Variants in DUSP16 observed in about 807,000 individuals in gnomAD.
DUSP16 encodes the protein dual specificity protein phosphatase 16.
Under a neutral mutation model 58.3 loss-of-function variants are expected in DUSP16, and 21 were observed. That is an observed-to-expected ratio of 0.36 (90% confidence interval 0.26 to 0.52). The LOEUF (loss-of-function observed/expected upper bound fraction) is 0.52, where lower values mean the gene tolerates loss of function less well. Ranked by LOEUF, DUSP16 falls within the 20% of genes least tolerant of loss-of-function variation. The pLI is 0.94. For synonymous variants in DUSP16, 320 were observed against 323.8 expected, an observed-to-expected ratio of 0.99 and a Z score of 0.12; for missense variants, 726 against 819.0, an observed-to-expected ratio of 0.89 and a Z score of 1.39.
At chr12:12,543,346 T>C (rs557500843) in intron 1 of DUSP16, among the ~76,000 whole-genome samples, 1 of 152,346 alleles carries the variant, frequency 6.6e-6, no homozygotes, top group Admixed American at 6.5e-5. Context: ...CAGAAAAATG[T>C]ATCATATATA....
intron 1 of DUSP16, among the ~76,000 whole-genome samples, chr12:12,528,582 A>T (rs145622304): frequency 5.1e-4 from 78 of 152,346 alleles, no homozygotes; most frequent in African/African-American, 1.8e-3. Context: ...CATCAGGCCT[A>T]CTGTAACTAA....
chr12:12,487,043 AT>A lies in DUSP16; in HGVS notation c.675del (p.Lys225AsnfsTer3). The A allele has an allele frequency of 6.2e-7, 1 of 1,614,046 alleles. No individual in the cohort carries two copies. Among genetic ancestry groups the A allele is most frequent in the Non-Finnish European group, 8.5e-7 (1 of 1,179,932 alleles). On this transcript the variant is annotated frameshift_variant, in exon 5 of 7. Coordinates refer to ENST00000298573, the MANE Select transcript of DUSP16 (RefSeq NM_030640.3). LOFTEE classifies it high-confidence loss of function. ...FCEKILPWLD[K>X]SVDFIEKAKA... ...AGCTACTTACCAATGAAATCTACTG[AT>A]TTGTCCAACCACGGCAAAATTTTCT... is the stretch of plus-strand genomic sequence containing the variant.
Position 12,477,522 on chromosome 12 carries a change from C to A in DUSP16, c.1309G>T (p.Asp437Tyr). Residue 437 changes from aspartate to tyrosine, a missense_variant, in exon 7 of 7, where the codon GAT (aspartate) becomes TAT (tyrosine). Coordinates refer to ENST00000298573, the MANE Select transcript of DUSP16 (RefSeq NM_030640.3). The surrounding 1 kb of genome is among the most constrained non-coding windows in gnomAD (Gnocchi z 4.1). ...AACTGGCATAGCTTGTTGGTCCCAT[C>A]CAGAGTAGTGGAAGGTTTGTAGTAT... The part of the protein sequence containing the change: ...LEYYKPSTTL[D>Y]GTNKLCQFSP... 1 of 1,604,286 alleles carries A rather than the reference C, an allele frequency of 6.2e-7. No individual in the cohort carries two copies. The highest frequency in any genetic ancestry group is 8.5e-7 in the Non-Finnish European group (1 of 1,174,160).
intron 1 of DUSP16, among the ~76,000 whole-genome samples, chr12:12,561,597 G>A (rs1328008225): frequency 6.6e-6 from 1 of 152,200 alleles, no homozygotes; most frequent in African/African-American, 2.4e-5. Context: ...CGGTTGGTTG[G>A]TTGAAGAAAG....
intron 5 of DUSP16, among the ~76,000 whole-genome samples, chr12:12,481,736 TCAAA>T (rs3217166): frequency 0.073 from 11,035 of 152,056 alleles, 800 homozygotes; most frequent in East Asian, 0.38. Context: ...CAAGCAACAC[TCAAA>T]CAAAGAATTG....
At chr12:12,480,740 T>C (rs1943549014) in intron 5 of DUSP16, among the ~76,000 whole-genome samples, 1 of 152,184 alleles carries the variant, frequency 6.6e-6, no homozygotes, top group African/African-American at 2.4e-5. Flanking sequence ...TTATTACTAT[T>C]TTGAGATAGA....
intron 4 of DUSP16, 60 bp from the exon 5 acceptor site, chr12:12,487,247 G>A: frequency 6.5e-7 from 1 of 1,543,546 alleles, no homozygotes; most frequent in Non-Finnish European, 8.9e-7. Flanking sequence ...TGATCATTCT[G>A]AAAGAGTGAA....
intron 4 of DUSP16, chr12:12,491,094 CTG>C (rs1943754192): frequency 6.6e-6 from 1 of 152,078 alleles, no homozygotes; most frequent in Admixed American, 6.6e-5. Flanking sequence ...CGTGAAATCT[CTG>C]GAGTCAGTTA....
At chr12:12,535,850 CG>C (rs1566037459) in intron 1 of DUSP16, among the ~76,000 whole-genome samples, 1 of 152,128 alleles carries the variant, frequency 6.6e-6, no homozygotes, top group Non-Finnish European at 1.5e-5. Context: ...ATGCAGAAAA[CG>C]CATGAGCAAA....
intron 3 of DUSP16, among the ~76,000 whole-genome samples, chr12:12,502,993 G>A (rs1030160075): frequency 2.0e-5 from 3 of 152,118 alleles, no homozygotes; most frequent in Non-Finnish European, 4.4e-5. Flanking sequence ...ATACAGCAGA[G>A]GAAGTAAGAA....
chr12:12,527,245 A>T (rs1006163252), intron 1 of DUSP16, among the ~76,000 whole-genome samples: 1 of 152,234 alleles, frequency 6.6e-6, no homozygotes, highest in African/African-American at 2.4e-5. Flanking sequence ...ATGCCTTTCA[A>T]TAGAGCCCTA....
intron 1 of DUSP16, among the ~76,000 whole-genome samples, chr12:12,532,161 T>C (rs973396329): frequency 2.0e-5 from 3 of 147,942 alleles, no homozygotes; most frequent in African/African-American, 7.5e-5. Flanking sequence ...CGAGACTCCG[T>C]CTCAAAAAAA....
chr12:12,546,147 T>C (rs1254574885), intron 1 of DUSP16, among the ~76,000 whole-genome samples: 1 of 152,250 alleles, frequency 6.6e-6, no homozygotes, highest in African/African-American at 2.4e-5. Flanking sequence ...TATAAATTTA[T>C]GAAATGCTAT....
chr12:12,476,898 C>A lies in DUSP16; in HGVS notation c.1933G>T (p.Glu645Ter), dbSNP rs753268899. The change falls in exon 7 of 7, where the codon GAG becomes TAG. Residue 645 changes from glutamate to a stop codon, truncating the protein, a stop_gained. Transcript: ENST00000298573. LOFTEE classifies it high-confidence loss of function. Reference sequence around the variant, plus strand: ...GACTGACTGCCCACTTTCCCCAGCTCTTCCCGTGACCTGTTCTCTGACATG... The same window carrying A: ...GACTGACTGCCCACTTTCCCCAGCTATTCCCGTGACCTGTTCTCTGACATG... ...SIMSENRSRE[E>*]LGKVGSQSSF... 6.2e-7 allele frequency: 1 copy of A among 1,613,682 alleles called. No homozygotes were observed. Among genetic ancestry groups the A allele is most frequent in the Non-Finnish European group, 8.5e-7 (1 of 1,180,038 alleles).
At chr12:12,524,452 G>A (rs1050351895) in intron 1 of DUSP16, among the ~76,000 whole-genome samples, 4 of 152,204 alleles carry the variant, frequency 2.6e-5, no homozygotes, top group African/African-American at 9.7e-5. Flanking sequence ...AGTAACAATG[G>A]CCTTAATCTC....
At chr12:12,480,181 C>A in intron 6 of DUSP16, 42 bp downstream of exon 6, 1 of 1,604,390 alleles carries the variant, frequency 6.2e-7, no homozygotes, top group African/African-American at 1.3e-5. Flanking sequence ...TGTTTCAGGT[C>A]AAATGAAAAG....
intron 1 of DUSP16, among the ~76,000 whole-genome samples, chr12:12,541,326 C>T (rs749650036): frequency 2.6e-5 from 4 of 152,096 alleles, no homozygotes; most frequent in Non-Finnish European, 5.9e-5. Flanking sequence ...TTCATCTTCC[C>T]TTCAACCCCA....
At chr12:12,539,174 A>T (rs949485717) in intron 1 of DUSP16, among the ~76,000 whole-genome samples, 1 of 152,222 alleles carries the variant, frequency 6.6e-6, no homozygotes, top group Non-Finnish European at 1.5e-5. Context: ...GCAGAGGAGA[A>T]ATCTGGTGAC....
intron 3 of DUSP16, among the ~76,000 whole-genome samples, chr12:12,509,153 A>G (rs1365235004): frequency 6.6e-6 from 1 of 152,242 alleles, no homozygotes; most frequent in Non-Finnish European, 1.5e-5. Flanking sequence ...AAAGGAATAC[A>G]GCCAGAATCT....
Sources: allele counts gnomAD v4.1 joint callset (sites outside exome capture counted in the v4.1 genomes callset), GRCh38; gene constraint gnomAD v4.1.1; non-coding constraint Gnocchi (gnomAD v3.1); transcripts MANE v1.5; gene names NCBI Gene and HGNC (gene_info 2026-07-23, HGNC 2026-07-21).